The following SNX13 variants were observed in gnomAD, a reference collection of about 807,000 sequenced individuals.
SNX13 encodes the protein sorting nexin 13, also known as sorting nexin-13.
SNX13 carries 45 observed loss-of-function variants against 133.6 expected under a neutral mutation model. That is an observed-to-expected ratio of 0.34 (90% CI 0.27 to 0.43). The LOEUF is 0.43. Ranked by LOEUF, SNX13 falls within the 20% of genes least tolerant of loss-of-function variation. SNX13 has a pLI of 1.00. For synonymous variants in SNX13, 414 were observed against 373.9 expected (o/e 1.11, Z -1.24); for missense variants, 1,032 against 1,145.1 (o/e 0.90, Z 1.43).
chr7:17,925,162 C>T (rs1322946999), intron 1 of SNX13, among the ~76,000 whole-genome samples: 6 of 151,986 alleles, frequency 3.9e-5, no homozygotes, highest in Non-Finnish European at 4.4e-5. Flanking sequence ...TTCAGTGAGC[C>T]GATATCATGC....
At chr7:17,887,569 G>A (rs78296385) in intron 5 of SNX13, among the ~76,000 whole-genome samples, 4,524 of 152,220 alleles carry the variant, frequency 0.03, 134 homozygotes, top group Admixed American at 0.052. Flanking sequence ...ACCTCATAAG[G>A]AGATATAAGT....
intron 9 of SNX13, among the ~76,000 whole-genome samples, chr7:17,856,782 T>C (rs1178616091): frequency 1.9e-5 from 2 of 106,674 alleles, no homozygotes; most frequent in African/African-American, 3.9e-5. Flanking sequence ...AGTGAGACTC[T>C]CTTAAAAAAA....
intron 12 of SNX13, among the ~76,000 whole-genome samples, chr7:17,842,559 A>G (rs1286311729): frequency 6.6e-6 from 1 of 152,036 alleles, no homozygotes; most frequent in African/African-American, 2.4e-5. Flanking sequence ...GCAATTATAA[A>G]AGCTAGTATT....
intron 1 of SNX13, among the ~76,000 whole-genome samples, chr7:17,917,292 T>C (rs1328222552): frequency 3.3e-5 from 5 of 152,068 alleles, no homozygotes; most frequent in South Asian, 2.1e-4. Context: ...CTATTTAACA[T>C]AGTACCAGAA....
At chr7:17,935,168 T>C (rs944887868) in intron 1 of SNX13, among the ~76,000 whole-genome samples, 1 of 152,134 alleles carries the variant, frequency 6.6e-6, no homozygotes, top group Non-Finnish European at 1.5e-5. Flanking sequence ...GTAGATACAA[T>C]GGAATACTAA....
intron 17 of SNX13, 97 bp from the exon 18 acceptor site, chr7:17,821,745 C>A (rs1449229299): frequency 9.0e-6 from 12 of 1,336,026 alleles, no homozygotes; most frequent in African/African-American, 5.9e-5. Context: ...ATGAAGAAAA[C>A]AAAAAAGATA....
intron 11 of SNX13, among the ~76,000 whole-genome samples, chr7:17,846,296 T>A (rs1790516444): frequency 1.3e-5 from 2 of 151,660 alleles, no homozygotes; most frequent in South Asian, 4.1e-4. Flanking sequence ...CATCTACGTA[T>A]CAGGCTTTGG....
rs59119505 is a variant in SNX13, at chr7:17,861,342, TCACACACACACACA to T, written c.837+7051_837+7064del. Among the ~76,000 whole-genome samples, 271 of 143,236 alleles carry T rather than the reference TCACACACACACACA, an allele frequency of 1.9e-3. 1 individual carries two copies. Among genetic ancestry groups the T allele is most frequent in the Non-Finnish European group, 3.1e-3 (205 of 65,766 alleles). 94.0% of individuals were successfully genotyped at this position (143,236 alleles called of 152,430 possible). A position where few individuals can be genotyped will look rare whatever the true frequency, so the allele number is the denominator to read the frequency against. ...TACAGTTATCACACATACAGTTATCTCACACACACACACACACACACACACACACACACACACAC... is the reference window on the plus strand; with the variant it reads ...TACAGTTATCACACATACAGTTATCTCACACACACACACACACACACACAC... On this transcript the variant is annotated intron_variant, in intron 9 of 25. Transcript: ENST00000428135.
At chr7:17,873,704 G>T in intron 7 of SNX13, 88 bp from the exon 8 acceptor site, 1 of 707,236 alleles carries the variant, frequency 1.4e-6, no homozygotes, top group South Asian at 2.9e-5. Context: ...TAAAAAGGCA[G>T]AAATAACCAG....
chr7:17,901,219 C>A (rs1278426917), intron 1 of SNX13, among the ~76,000 whole-genome samples: 1 of 152,070 alleles, frequency 6.6e-6, no homozygotes, highest in African/African-American at 2.4e-5. Flanking sequence ...TTCACTTTTC[C>A]CTCTCCTCTT....
At position 17,850,351 on chromosome 7, in the gene SNX13, C is replaced by G; in HGVS notation, c.1061G>C (p.Gly354Ala). The G allele has an allele frequency of 6.3e-7, 1 of 1,588,490 alleles. No homozygotes were observed. Among genetic ancestry groups the G allele is most frequent in the Non-Finnish European group, 8.6e-7 (1 of 1,167,604 alleles). ...ATTCAAAACTACTTTACTTACTTTG[C>G]CTGACTGCAATCGCTGTATTCTTGA... is the stretch of plus-strand genomic sequence containing the variant. ...CDSRIQRLQS[G>A]KEINTVKLAA... is the part of the protein sequence containing the mutation. The change falls in exon 11 of 26, where the codon GGC (glycine) becomes GCC (alanine). Residue 354 changes from glycine to alanine, a missense_variant. Gly to Ala is a moderately conservative substitution (Grantham distance 60). Transcript: ENST00000428135.
At chr7:17,893,298 A>C (rs1159797705) in intron 3 of SNX13, 34 bp downstream of exon 3, 1 of 1,386,032 alleles carries the variant, frequency 7.2e-7, no homozygotes, top group Non-Finnish European at 1.0e-6. Context: ...AAAGAACTGG[A>C]CTTTGAGGTT....
intron 1 of SNX13, among the ~76,000 whole-genome samples, chr7:17,919,597 TGACA>T (rs567803793): frequency 1.3e-5 from 2 of 152,312 alleles, no homozygotes; most frequent in South Asian, 4.1e-4. Flanking sequence ...TACCCCTAGA[TGACA>T]GACAATTGAT....
chr7:17,878,269 A>T (rs1794946604), intron 5 of SNX13, among the ~76,000 whole-genome samples: 1 of 152,146 alleles, frequency 6.6e-6, no homozygotes, highest in Non-Finnish European at 1.5e-5. Context: ...AATGCATCTT[A>T]TTACCGACAC....
rs1266411038 is a variant in SNX13 at position 17,791,288 on chromosome 7, T to C, written c.*2757A>G. On this transcript the variant is annotated 3_prime_UTR_variant, in exon 26 of 26. Coordinates refer to ENST00000428135, the MANE Select transcript of SNX13 (RefSeq NM_015132.5). ...TTAATTTTTATAAAAATTGGTACAC[T>C]TTCTGGTAGCACTTAACTGATTGAT... 6.6e-6 allele frequency: 1 copy of C among 151,870 alleles called. No individual in the cohort carries two copies. Among genetic ancestry groups the C allele is most frequent in the Admixed American group, 6.6e-5 (1 of 15,230 alleles). 9.4% of individuals were successfully genotyped at this position (151,870 alleles called of 1,614,324 possible).
chr7:17,847,408 C>T (rs972112107), intron 11 of SNX13, among the ~76,000 whole-genome samples: 30 of 152,010 alleles, frequency 2.0e-4, no homozygotes, highest in African/African-American at 3.1e-4. Context: ...CTCAGCTCAC[C>T]GCAACCTCTG....
intron 1 of SNX13, among the ~76,000 whole-genome samples, chr7:17,924,444 G>A (rs1021607614): frequency 1.3e-5 from 2 of 152,104 alleles, no homozygotes; most frequent in African/African-American, 2.4e-5. Context: ...TGCTACTTGC[G>A]CTCACCAGGA....
chr7:17,810,966 AAAACTCTCAAT>A (rs1785931033), intron 20 of SNX13, among the ~76,000 whole-genome samples: 1 of 152,222 alleles, frequency 6.6e-6, no homozygotes, highest in African/African-American at 2.4e-5. Flanking sequence ...CTTCATGCTA[AAAACTCTCAAT>A]AAACTAGGTA....
intron 1 of SNX13, among the ~76,000 whole-genome samples, chr7:17,922,759 G>GA (rs11397631): frequency 0.61 from 92,247 of 151,644 alleles, 29,346 homozygotes; most frequent in African/African-American, 0.79. Context: ...AAACTACTGG[G>GA]AAAAAAAGAT....
Sources: allele counts gnomAD v4.1 joint callset (sites outside exome capture counted in the v4.1 genomes callset), GRCh38; gene constraint gnomAD v4.1.1; transcripts MANE v1.5; gene names NCBI Gene and HGNC (gene_info 2026-07-23, HGNC 2026-07-21).